Variants in MRAS observed in about 807,000 individuals in gnomAD.
The protein encoded by MRAS is ras-related protein M-Ras.
In MRAS, 4 loss-of-function variants were observed where a neutral mutation model predicts 20.9. The ratio of observed to expected loss-of-function variants is 0.19; its 90% CI spans 0.09 to 0.44. The LOEUF is 0.44. Among genes scored for constraint, MRAS ranks in the 20% least tolerant of loss-of-function variants. The pLI, the probability that MRAS is intolerant of heterozygous loss-of-function variation, is 0.99. For missense variants in MRAS, 154 were observed against 277.5 expected (o/e 0.56, Z 3.16); for synonymous variants, 98 against 102.9 (o/e 0.95, Z 0.29).
chr3:138,362,028 G>C (rs1027728210), intron 1 of MRAS, among the ~76,000 whole-genome samples: 5 of 152,224 alleles, frequency 3.3e-5, no homozygotes, highest in African/African-American at 1.2e-4. Flanking sequence ...CCTGGACTGA[G>C]TTCTTTCCCA....
chr3:138,349,316 A>G (rs1435880947), intron 1 of MRAS: 1 of 152,410 alleles, frequency 6.6e-6, no homozygotes, highest in Non-Finnish European at 1.5e-5. Flanking sequence ...TGGCTGAGGC[A>G]TCAGACACGG....
rs139878314 is a variant in MRAS at position 138,386,632 on chromosome 3, C to T, written c.194-10692C>T. On this transcript the variant is annotated intron_variant, in intron 2 of 5. Coordinates refer to ENST00000423968, the MANE Select transcript of MRAS (RefSeq NM_001085049.3). ...CCGAGTATCTGGGATTACAGGTGTG[C>T]GCCACCACACCCAGCTAATTTTTGT... Among the ~76,000 whole-genome samples the T allele has an allele frequency of 2.2e-3, 331 of 152,126 alleles. 2 individuals carry two copies. The highest frequency in any genetic ancestry group is 0.014 in the Middle Eastern group (4 of 294).
chr3:138,377,372 C>T (rs934931534), intron 2 of MRAS, among the ~76,000 whole-genome samples: 1 of 152,100 alleles, frequency 6.6e-6, no homozygotes, highest in African/African-American at 2.4e-5. Context: ...TTTGTGAGGC[C>T]GAGGTGGGTG....
chr3:138,350,533 G>A (rs927253989), intron 1 of MRAS: 1 of 152,160 alleles, frequency 6.6e-6, no homozygotes, highest in African/African-American at 2.4e-5. Flanking sequence ...CCTAAAGCTG[G>A]GGGCGGGACT....
intron 2 of MRAS, among the ~76,000 whole-genome samples, chr3:138,373,645 C>T (rs376372949): frequency 5.9e-5 from 9 of 152,160 alleles, no homozygotes; most frequent in African/African-American, 2.2e-4. Flanking sequence ...TTTAACACAC[C>T]CTCGAGGAGA....
chr3:138,366,219 C>G (rs1196180164), intron 1 of MRAS, among the ~76,000 whole-genome samples: 1 of 152,198 alleles, frequency 6.6e-6, no homozygotes, highest in Non-Finnish European at 1.5e-5. Context: ...GAGCCATTTC[C>G]TCCACATGGG....
Position 138,374,099 on chromosome 3 carries a change from C to T in MRAS, c.193+1023C>T, listed in dbSNP as rs138622169. ...TCAGCCTCCCAAGTAGCTGGGATTACAGGCACGCACCACCACACCTAGCTA... is the reference window on the plus strand; with the variant it reads ...TCAGCCTCCCAAGTAGCTGGGATTATAGGCACGCACCACCACACCTAGCTA... On this transcript the variant is annotated intron_variant, in intron 2 of 5. Transcript: ENST00000423968. Among the ~76,000 whole-genome samples, 184 of 152,104 alleles carry T rather than the reference C, an allele frequency of 1.2e-3. 2 individuals are homozygous for T. The South Asian group carries it at 0.018, about 15-fold the overall frequency.
intron 2 of MRAS, among the ~76,000 whole-genome samples, chr3:138,383,172 T>A (rs150067113): frequency 5.9e-5 from 9 of 152,334 alleles, no homozygotes; most frequent in Non-Finnish European, 1.2e-4. Context: ...CACCATTGTA[T>A]CTCTGATGTC....
chr3:138,378,653 C>T (rs1207819060), intron 2 of MRAS, among the ~76,000 whole-genome samples: 1 of 152,226 alleles, frequency 6.6e-6, no homozygotes, highest in Non-Finnish European at 1.5e-5. Context: ...CCAATTCTCT[C>T]TTGTCATGAA....
At chr3:138,356,863 T>C (rs911471469) in intron 1 of MRAS, among the ~76,000 whole-genome samples, 1 of 152,166 alleles carries the variant, frequency 6.6e-6, no homozygotes, top group African/African-American at 2.4e-5. Flanking sequence ...GCTGGCATCA[T>C]AGCCTTCCCA....
intron 2 of MRAS, among the ~76,000 whole-genome samples, chr3:138,382,946 C>A (rs1199329): frequency 0.092 from 14,011 of 152,172 alleles, 1,698 homozygotes; most frequent in African/African-American, 0.28. Context: ...GGTGATGCCA[C>A]CTTCCCTGGG....
At chr3:138,361,971 G>A (rs1371639743) in intron 1 of MRAS, among the ~76,000 whole-genome samples, 1 of 152,244 alleles carries the variant, frequency 6.6e-6, no homozygotes, top group East Asian at 1.9e-4. Context: ...GAAGTTGTGA[G>A]CTTGATGCAG....
Position 138,402,220 on chromosome 3 carries a change from G to T in MRAS, c.578G>T (p.Arg193Leu). The T allele has an allele frequency of 6.2e-7, 1 of 1,614,228 alleles. No individual in the cohort carries two copies. The highest frequency in any genetic ancestry group is 8.5e-7 in the Non-Finnish European group (1 of 1,180,036). ...SQKKKKKTKWRGDRATGTHKL... is the reference protein window; with the variant it reads ...SQKKKKKTKWLGDRATGTHKL... ...AAGAAGAAGAAGAAAACCAAATGGC[G>T]GGGAGACCGGGCCACAGGCACCCAC... The change falls in exon 6 of 6, where the codon CGG (arginine) becomes CTG (leucine). Residue 193 changes from arginine to leucine, a missense_variant. This residue lies in a region of MRAS where 125 missense variants were observed against 213.5 expected (regional missense o/e 0.59). Transcript: ENST00000423968.
chr3:138,353,854 G>A (rs754708903), intron 1 of MRAS, among the ~76,000 whole-genome samples: 1 of 152,236 alleles, frequency 6.6e-6, no homozygotes, highest in Non-Finnish European at 1.5e-5. Context: ...AGTTAAGTAG[G>A]TCACCTGCAG....
intron 2 of MRAS, among the ~76,000 whole-genome samples, chr3:138,389,527 T>C (rs1179068955): frequency 6.8e-6 from 1 of 146,858 alleles, no homozygotes. Context: ...GCATTCTAGA[T>C]GGAAGTCACG....
intron 2 of MRAS, among the ~76,000 whole-genome samples, chr3:138,374,196 C>T (rs1307182093): frequency 2.6e-5 from 4 of 151,922 alleles, no homozygotes; most frequent in Non-Finnish European, 4.4e-5. Context: ...CTCCGGACCT[C>T]GTGATCCGCC....
intron 2 of MRAS, among the ~76,000 whole-genome samples, chr3:138,394,043 G>A (rs1245666925): frequency 6.6e-6 from 1 of 151,332 alleles, no homozygotes; most frequent in Non-Finnish European, 1.5e-5. Context: ...CCAAATGCAT[G>A]CTGTTTCCGT....
At chr3:138,380,284 TCTC>T (rs1283762300) in intron 2 of MRAS, among the ~76,000 whole-genome samples, 1 of 151,706 alleles carries the variant, frequency 6.6e-6, no homozygotes, top group Non-Finnish European at 1.5e-5. Context: ...CATTTTCCCC[TCTC>T]CTCAGTCCTT....
chr3:138,401,626 A>G (rs2055361653), intron 5 of MRAS, among the ~76,000 whole-genome samples: 1 of 152,186 alleles, frequency 6.6e-6, no homozygotes, highest in Non-Finnish European at 1.5e-5. Flanking sequence ...TGCCATCTTT[A>G]CAAAAGAAAG....
Sources: gnomAD v4.1 joint callset for allele counts (sites outside exome capture counted in the v4.1 genomes callset) on GRCh38, gnomAD v4.1.1 for gene constraint, gnomAD v4.1.1 regional missense constraint, MANE v1.5 for transcripts, NCBI Gene and HGNC (gene_info 2026-07-23, HGNC 2026-07-21) for gene names.